Variants in CKAP4 observed in about 807,000 individuals in gnomAD.
CKAP4 encodes cytoskeleton-associated protein 4.
In CKAP4, 20 loss-of-function variants were observed where a neutral mutation model predicts 24.4. The ratio of observed to expected loss-of-function variants is 0.82; its 90% CI spans 0.58 to 1.19. CKAP4 has a LOEUF of 1.19. Ranked by LOEUF, CKAP4 falls within the 50% of genes most tolerant of loss-of-function variation. The probability of loss-of-function intolerance (pLI) is 0.00; values close to 1 mark genes in which losing one functional copy is unlikely to be tolerated. For missense variants in CKAP4, 744 were observed against 765.3 expected (o/e 0.97, Z 0.33); for synonymous variants, 378 against 351.7 (o/e 1.07, Z -0.84).
At chr12:106,242,115 G>A (rs1455464783) in intron 1 of CKAP4, among the ~76,000 whole-genome samples, 1 of 152,182 alleles carries the variant, frequency 6.6e-6, no homozygotes, top group Non-Finnish European at 1.5e-5. Flanking sequence ...GTGTGATCTT[G>A]GGGAAGTTAT....
chr12:106,247,462 G>A lies in CKAP4; in HGVS notation c.390C>T (p.Val130=). The A allele has an allele frequency of 1.3e-6, 2 of 1,546,204 alleles. No individual in the cohort carries two copies. Among genetic ancestry groups the A allele is most frequent in the Non-Finnish European group, 1.7e-6 (2 of 1,148,050 alleles). The change falls in exon 1 of 2, where the codon GTC becomes GTT. Residue 130 remains valine, a synonymous_variant. Coordinates refer to ENST00000378026, the MANE Select transcript of CKAP4 (RefSeq NM_006825.4). This position sits in a 1 kb window ranked among gnomAD's most constrained non-coding sequence, Gnocchi z 4.5. ...GCCGGACCTGCTGGACCTCCTCCAG[G>A]ACGTGGTGGACGCACCAGCCCGAGA... ...AAFSGWCVHH[V]LEEVQQVRRS... is the part of the protein sequence containing the mutation.
chr12:106,241,500 T>C (rs2033970721), intron 1 of CKAP4, among the ~76,000 whole-genome samples: 1 of 151,904 alleles, frequency 6.6e-6, no homozygotes, highest in South Asian at 2.1e-4. Flanking sequence ...GCCCGGCTAA[T>C]TTTTTGTATT....
At position 106,240,041 on chromosome 12, in the gene CKAP4, C is replaced by G; in HGVS notation, c.792G>C (p.Lys264Asn). Residue 264 changes from lysine (K) to asparagine (N), a missense_variant, in exon 2 of 2, where the codon AAG becomes AAC. Transcript: ENST00000378026. ...IFTEVQKRSQKEINDMKAKVA... is the reference protein window; with the variant it reads ...IFTEVQKRSQNEINDMKAKVA... ...CCTTTGCCTTCATGTCATTGATCTC[C>G]TTCTGGCTCCTCTTCTGGACTTCTG... The G allele has an allele frequency of 6.2e-7, 1 of 1,614,132 alleles. No individual in the cohort carries two copies. Among genetic ancestry groups the G allele is most frequent in the Non-Finnish European group, 8.5e-7 (1 of 1,180,020 alleles).
chr12:106,241,229 A>G (rs1409423912), intron 1 of CKAP4, among the ~76,000 whole-genome samples: 1 of 152,242 alleles, frequency 6.6e-6, no homozygotes, highest in African/African-American at 2.4e-5. Context: ...GTTAAAACAA[A>G]CAGGGAAAGG....
intron 1 of CKAP4, among the ~76,000 whole-genome samples, chr12:106,245,363 G>A (rs1211886557): frequency 6.6e-6 from 1 of 152,130 alleles, no homozygotes; most frequent in African/African-American, 2.4e-5. Flanking sequence ...ACAGAGCCAT[G>A]CAACTGTCAG....
intron 1 of CKAP4, among the ~76,000 whole-genome samples, chr12:106,243,492 T>C (rs1181800524): frequency 1.3e-5 from 2 of 152,200 alleles, no homozygotes; most frequent in South Asian, 2.1e-4. Context: ...GAGCTCACTC[T>C]TCCACAAATA....
Position 106,247,447 on chromosome 12 carries a change from C to G in CKAP4, c.405G>C (p.Gln135His), listed in dbSNP as rs983501765. 1 of 1,544,780 alleles carries G rather than the reference C, an allele frequency of 6.5e-7. No individual in the cohort carries two copies. The highest frequency in any genetic ancestry group is 8.7e-7 in the Non-Finnish European group (1 of 1,147,150). ...WCVHHVLEEV[Q>H]QVRRSHQDFS... The stretch of plus-strand genomic sequence containing the variant: ...AGTCCTGGTGGCTGCGCCGGACCTG[C>G]TGGACCTCCTCCAGGACGTGGTGGA... Residue 135 changes from glutamine to histidine, a missense_variant, in exon 1 of 2, where the codon CAG becomes CAC. This residue lies in a region of CKAP4 where 300 missense variants were observed against 264.5 expected (regional missense o/e 1.13). Coordinates refer to ENST00000378026, the MANE Select transcript of CKAP4 (RefSeq NM_006825.4). This position sits in a 1 kb window ranked among gnomAD's most constrained non-coding sequence, Gnocchi z 4.5.
In CKAP4 at chr12:106,239,677, C is replaced by T. The variant is rs1182130732; in HGVS notation, c.1156G>A (p.Gly386Arg). Residue 386 changes from glycine to arginine, a missense_variant, in exon 2 of 2, where the codon GGG (glycine) becomes AGG (arginine). By Grantham distance (125) the Gly-to-Arg change is moderately radical (BLOSUM62 -2). This residue lies in a region of CKAP4 where 401 missense variants were observed against 424.5 expected (regional missense o/e 0.94). Coordinates refer to ENST00000378026, the MANE Select transcript of CKAP4 (RefSeq NM_006825.4). The surrounding 1 kb of genome is among the most constrained non-coding windows in gnomAD (Gnocchi z 4.9). ...CTGAAGCCTCCGTCCTCCTTCGGCC[C>T]GTGGGAATCGGACTTCAGCTGGCGG... ...ELRQLKSDSH[G>R]PKEDGGFRHS... 9 of 1,614,196 alleles carry T rather than the reference C, an allele frequency of 5.6e-6. No homozygotes were observed. Among genetic ancestry groups the T allele is most frequent in the African/African-American group, 2.7e-5 (2 of 75,066 alleles).
rs770158590 is a variant in CKAP4 at position 106,239,297 on chromosome 12, C to T, written c.1536G>A (p.Thr512=). The change falls in exon 2 of 2, where the codon ACG becomes ACA. Residue 512 remains threonine, a synonymous_variant. Coordinates refer to ENST00000378026, the MANE Select transcript of CKAP4 (RefSeq NM_006825.4). The surrounding 1 kb of genome is among the most constrained non-coding windows in gnomAD (Gnocchi z 4.9). ...SLQKVQEQVH[T]LLSQDQAQAA... is the part of the protein sequence containing the mutation. ...CCTGGGCTTGGTCCTGACTGAGCAG[C>T]GTGTGCACCTGCTCCTGCACCTTCT... 1.4e-5 allele frequency: 22 copies of T among 1,611,450 alleles called. No individual in the cohort carries two copies. The highest frequency in any genetic ancestry group is 3.3e-4 in the Middle Eastern group (2 of 6,084).
rs1165203835 is a variant in CKAP4 at position 106,239,605 on chromosome 12, C to G, written c.1228G>C (p.Asp410His). Residue 410 changes from aspartate (D) to histidine (H), a missense_variant, in exon 2 of 2, where the codon GAC becomes CAC. Coordinates refer to ENST00000378026, the MANE Select transcript of CKAP4 (RefSeq NM_006825.4). This position sits in a 1 kb window ranked among gnomAD's most constrained non-coding sequence, Gnocchi z 4.9. Reference sequence around the variant, plus strand: ...TCCTCCACGTGCTGGAGCCTGGAGTCCAGTCCCTGACTCTTTTGCTGGAGT... The same window carrying G: ...TCCTCCACGTGCTGGAGCCTGGAGTGCAGTCCCTGACTCTTTTGCTGGAGT... The part of the protein sequence containing the change: ...EALQQKSQGL[D>H]SRLQHVEDGV... 2 of 1,614,158 alleles carry G rather than the reference C, an allele frequency of 1.2e-6. No individual in the cohort carries two copies. The highest frequency in any genetic ancestry group is 2.7e-5 in the African/African-American group (2 of 75,052).
At position 106,239,473 on chromosome 12, in the gene CKAP4, G is replaced by A. The variant is rs749256244; in HGVS notation, c.1360C>T (p.Arg454Cys). 53 of 1,605,136 alleles carry A rather than the reference G, an allele frequency of 3.3e-5. No individual in the cohort carries two copies. In the Middle Eastern group the frequency reaches 9.9e-4, roughly 30 times the overall value. ...HEQRLAALQGRLEGLGSSEAD... is the reference protein window; with the variant it reads ...HEQRLAALQGCLEGLGSSEAD... ...TCTGAGGACCCGAGGCCTTCCAGGC[G>A]CCCCTGCAGGGCGGCCAGGCGCTGC... The change falls in exon 2 of 2, where the codon CGC becomes TGC. Residue 454 changes from arginine (R) to cysteine (C), a missense_variant. Physicochemically the swap from Arg to Cys is radical, Grantham distance 180. Transcript: ENST00000378026. The surrounding 1 kb of genome is among the most constrained non-coding windows in gnomAD (Gnocchi z 4.9).
chr12:106,244,168 G>C lies in CKAP4; in HGVS notation c.483+3201C>G, dbSNP rs2033989373. On this transcript the variant is annotated intron_variant, in intron 1 of 1. Coordinates refer to ENST00000378026, the MANE Select transcript of CKAP4 (RefSeq NM_006825.4). ...TCTAACACTGTTCTGGCCATGTTCT[G>C]AGTCTCAAGTCAATGGAACATTTAT... Among the ~76,000 whole-genome samples, 2 of 152,174 alleles carry C rather than the reference G, an allele frequency of 1.3e-5. 1 individual carries two copies. The highest frequency in any genetic ancestry group is 4.1e-4 in the South Asian group (2 of 4,836).
rs1185013433 is a variant in CKAP4 at position 106,238,751 on chromosome 12, A to G, written c.*273T>C. The stretch of plus-strand genomic sequence containing the variant: ...TTAATCCTCAATTTAAGCCTTTATC[A>G]TTTTTCTCTGACTAGAGACATCCAT... On this transcript the variant is annotated 3_prime_UTR_variant, in exon 2 of 2. Coordinates refer to ENST00000378026, the MANE Select transcript of CKAP4 (RefSeq NM_006825.4). 1 of 357,190 alleles carries G rather than the reference A, an allele frequency of 2.8e-6. No individual in the cohort carries two copies. Among genetic ancestry groups the G allele is most frequent in the Non-Finnish European group, 5.1e-6 (1 of 198,004 alleles). The allele number at this position is 357,190 out of a possible 1,614,324, so 22.1% of individuals were successfully genotyped here. A position where few individuals can be genotyped will look rare whatever the true frequency, so the allele number is the denominator to read the frequency against.
Position 106,247,912 on chromosome 12 carries a change from C to A in CKAP4, c.-61G>T. 1.0e-6 allele frequency: 1 copy of A among 987,718 alleles called. No homozygotes were observed. The highest frequency in any genetic ancestry group is 4.6e-5 in the South Asian group (1 of 21,750). The allele number at this position is 987,718 out of a possible 1,614,324, so 61.2% of individuals were successfully genotyped here. On this transcript the variant is annotated 5_prime_UTR_variant, in exon 1 of 2. Transcript: ENST00000378026. The surrounding 1 kb of genome is among the most constrained non-coding windows in gnomAD (Gnocchi z 4.5). ...AGGCGAGCGAGCGCGGCGCGCGGCC[C>A]GGGAAACTTGCAGGGGCTCCCCCGG... is the stretch of plus-strand genomic sequence containing the variant.
At chr12:106,245,992 C>G (rs1008720236) in intron 1 of CKAP4, among the ~76,000 whole-genome samples, 1 of 152,196 alleles carries the variant, frequency 6.6e-6, no homozygotes, top group African/African-American at 2.4e-5. Context: ...GAAAAGGAGG[C>G]AGTGGCTCCG....
chr12:106,244,514 G>A (rs1318361377), intron 1 of CKAP4, among the ~76,000 whole-genome samples: 1 of 152,242 alleles, frequency 6.6e-6, no homozygotes, highest in African/African-American at 2.4e-5. Context: ...AGGCGCAGTG[G>A]CTCACATCTG....
chr12:106,247,463 A>T lies in CKAP4; in HGVS notation c.389T>A (p.Val130Asp), dbSNP rs780660438. ...AAFSGWCVHH[V>D]LEEVQQVRRS... is the part of the protein sequence containing the mutation. ...CCGGACCTGCTGGACCTCCTCCAGGACGTGGTGGACGCACCAGCCCGAGAA... is the reference window on the plus strand; with the variant it reads ...CCGGACCTGCTGGACCTCCTCCAGGTCGTGGTGGACGCACCAGCCCGAGAA... The change falls in exon 1 of 2, where the codon GTC (valine) becomes GAC (aspartate). Residue 130 changes from valine to aspartate, a missense_variant. Coordinates refer to ENST00000378026, the MANE Select transcript of CKAP4 (RefSeq NM_006825.4). The surrounding 1 kb of genome is among the most constrained non-coding windows in gnomAD (Gnocchi z 4.5). 8.4e-6 allele frequency: 13 copies of T among 1,546,304 alleles called. No homozygotes were observed. The highest frequency in any genetic ancestry group is 1.0e-5 in the Non-Finnish European group (12 of 1,148,088).
Position 106,238,645 on chromosome 12 carries a change from G to C in CKAP4, c.*379C>G. On this transcript the variant is annotated 3_prime_UTR_variant, in exon 2 of 2. Coordinates refer to ENST00000378026, the MANE Select transcript of CKAP4 (RefSeq NM_006825.4). Reference sequence around the variant, plus strand: ...TCCTTAAAGACAACTAGAAAGAAAAGGGTCCCCCCAACCCACCTTTTTTTT... The same window carrying C: ...TCCTTAAAGACAACTAGAAAGAAAACGGTCCCCCCAACCCACCTTTTTTTT... The C allele has an allele frequency of 5.8e-6, 1 of 173,786 alleles. No homozygotes were observed. Among genetic ancestry groups the C allele is most frequent in the Non-Finnish European group, 1.2e-5 (1 of 83,584 alleles). 10.8% of individuals were successfully genotyped at this position (173,786 alleles called of 1,614,324 possible). A position where few individuals can be genotyped will look rare whatever the true frequency, so the allele number is the denominator to read the frequency against.
intron 1 of CKAP4, among the ~76,000 whole-genome samples, chr12:106,245,877 G>A (rs1038229070): frequency 3.9e-5 from 6 of 151,942 alleles, no homozygotes; most frequent in Non-Finnish European, 8.8e-5. Flanking sequence ...TTACAGGCGT[G>A]AGCCACCACG....
Sources: allele counts gnomAD v4.1 joint callset (sites outside exome capture counted in the v4.1 genomes callset), GRCh38; gene constraint gnomAD v4.1.1; regional missense constraint gnomAD v4.1.1; non-coding constraint Gnocchi (gnomAD v3.1); transcripts MANE v1.5; gene names NCBI Gene and HGNC (gene_info 2026-07-23, HGNC 2026-07-21).